GSN: variants seen among roughly 807,000 people sequenced by gnomAD.
GSN encodes the protein gelsolin.
GSN carries 56 observed loss-of-function variants against 85.7 expected under a neutral mutation model. The ratio of observed to expected loss-of-function variants is 0.65; its 90% CI spans 0.53 to 0.82. GSN has a LOEUF of 0.82. Among genes scored for constraint, GSN ranks in the 40% least tolerant of loss-of-function variants. The pLI, the probability that GSN is intolerant of heterozygous loss-of-function variation, is 0.00. For missense variants in GSN, 857 were observed against 979.8 expected (o/e 0.87, Z 1.67); for synonymous variants, 373 against 399.1 (o/e 0.93, Z 0.78).
chr9:121,286,034 G>A, intron 2 of GSN: 1 of 1,287,864 alleles, frequency 7.8e-7, no homozygotes, highest in Non-Finnish European at 1.1e-6. Flanking sequence ...TGCCTGCGGA[G>A]TTGGCTTGGC....
Position 121,282,723 on chromosome 9 carries a change from T to G in GSN, c.-10+1161T>G, listed in dbSNP as rs538289255. The G allele has an allele frequency of 7.3e-5, 30 of 412,318 alleles. No individual in the cohort carries two copies. In the East Asian group the frequency reaches 8.6e-4, roughly 12 times the overall value. 25.5% of individuals were successfully genotyped at this position (412,318 alleles called of 1,614,324 possible). On this transcript the variant is annotated intron_variant, in intron 2 of 17. Transcript: ENST00000432226. ...AATAGGAGGACTTGAGGGCCGGGTC[T>G]TGGCTCTGATGCATCTGCCTTTGAG...
chr9:121,327,581 C>A, intron 14 of GSN, 99 bp downstream of exon 14: 1 of 950,198 alleles, frequency 1.1e-6, no homozygotes, highest in South Asian at 1.7e-5. Context: ...TCCCCTCCAT[C>A]CCACCTGAGG....
intron 4 of GSN, chr9:121,223,073 GT>G (rs1193808532): frequency 1.3e-5 from 2 of 152,174 alleles, no homozygotes; most frequent in East Asian, 3.9e-4. Flanking sequence ...TCCCTTACCA[GT>G]CCGGCGTTCC....
At chr9:121,298,623 G>A (rs1187935797) in intron 2 of GSN, among the ~76,000 whole-genome samples, 1 of 152,224 alleles carries the variant, frequency 6.6e-6, no homozygotes, top group Non-Finnish European at 1.5e-5. Context: ...TACTCATTTA[G>A]TAGATGAGAA....
At chr9:121,324,174 G>C (rs62580465) in intron 11 of GSN, among the ~76,000 whole-genome samples, 14 of 152,238 alleles carry the variant, frequency 9.2e-5, no homozygotes, top group Middle Eastern at 3.4e-3. Flanking sequence ...ATAGGCTCTC[G>C]TAACACTTGC....
In GSN at chr9:121,318,700, G is replaced by A; in HGVS notation, c.1011G>A (p.Leu337=). Residue 337 remains leucine, a synonymous_variant, in exon 10 of 18, where the codon CTG becomes CTA. Transcript: ENST00000432226. The surrounding 1 kb of genome is among the most constrained non-coding windows in gnomAD (Gnocchi z 4.3). ...TTCCTGAGGGCGGTGAGACCCCACT[G>A]TTCAAGCAGTTCTTCAAGAACTGGC... ...SVLPEGGETP[L]FKQFFKNWRD... The A allele has an allele frequency of 6.2e-7, 1 of 1,613,966 alleles. No homozygotes were observed. Among genetic ancestry groups the A allele is most frequent in the Non-Finnish European group, 8.5e-7 (1 of 1,179,806 alleles).
intron 1 of GSN, among the ~76,000 whole-genome samples, chr9:121,208,911 A>G (rs1221927574): frequency 2.0e-5 from 3 of 152,254 alleles, no homozygotes; most frequent in Non-Finnish European, 2.9e-5. Flanking sequence ...CAAGGTGAGG[A>G]CAGGGACCAT....
chr9:121,255,270 G>T (rs951841154), intron 6 of GSN, among the ~76,000 whole-genome samples: 3 of 152,090 alleles, frequency 2.0e-5, no homozygotes, highest in South Asian at 2.1e-4. Context: ...TTGAGACAGG[G>T]TCTCGCTATG....
Position 121,330,340 on chromosome 9 carries a change from A to T in GSN, c.1965+1025A>T, listed in dbSNP as rs563378974. Among the ~76,000 whole-genome samples, 9 of 152,362 alleles carry T rather than the reference A, an allele frequency of 5.9e-5. No homozygotes were observed. The South Asian group carries it at 1.5e-3, about 25-fold the overall frequency. ...GTAAACCCAGCACTTTGAGAGGCTG[A>T]GGTGGGCAGATCACTTGAGGTCAGG... On this transcript the variant is annotated intron_variant, in intron 16 of 17. Transcript: ENST00000432226.
At chr9:121,296,125 T>C (rs922474126) in intron 2 of GSN, among the ~76,000 whole-genome samples, 1 of 152,230 alleles carries the variant, frequency 6.6e-6, no homozygotes, top group African/African-American at 2.4e-5. Context: ...CAGGCTTGAC[T>C]TGGGCTTGAT....
upstream of GSN, among the ~76,000 whole-genome samples, chr9:121,264,847 A>G (rs2055165205): frequency 6.6e-6 from 1 of 152,216 alleles, no homozygotes; most frequent in South Asian, 2.1e-4. Flanking sequence ...AGTTAATTAG[A>G]TAAAGGGTAG....
chr9:121,260,106 C>A (rs114640281), intron 6 of GSN, among the ~76,000 whole-genome samples: 6,008 of 152,332 alleles, frequency 0.039, 424 homozygotes, highest in African/African-American at 0.14. Flanking sequence ...AGCTGGACAG[C>A]TCCCTGAGAC....
At chr9:121,326,450 G>C in intron 12 of GSN, 62 bp from the exon 13 acceptor site, 2 of 1,378,582 alleles carry the variant, frequency 1.5e-6, no homozygotes, top group South Asian at 2.3e-5. Context: ...GGCCCAGTGC[G>C]ACATAGAAGG....
intron 5 of GSN, among the ~76,000 whole-genome samples, chr9:121,231,675 C>T (rs1258982082): frequency 6.6e-6 from 1 of 152,066 alleles, no homozygotes; most frequent in Admixed American, 6.6e-5. Flanking sequence ...CAGAGTCCTA[C>T]AGTATGAGCT....
intron 2 of GSN, among the ~76,000 whole-genome samples, chr9:121,289,933 G>A (rs1229635129): frequency 1.3e-5 from 2 of 152,216 alleles, no homozygotes; most frequent in Non-Finnish European, 2.9e-5. Flanking sequence ...GACAGGCCCA[G>A]TGCAGAGAGA....
At chr9:121,282,335 G>A (rs545658295) in intron 2 of GSN, 4 of 575,716 alleles carry the variant, frequency 6.9e-6, no homozygotes, top group Non-Finnish European at 1.2e-5. Context: ...AGGGGGAATC[G>A]CCCAGCTTCC....
chr9:121,276,805 G>C (rs548000295), intron 1 of GSN, among the ~76,000 whole-genome samples: 1 of 152,270 alleles, frequency 6.6e-6, no homozygotes, highest in African/African-American at 2.4e-5. Context: ...GGTGGGAGGA[G>C]GGGGGAGGGA....
chr9:121,223,743 C>T (rs2054216716), intron 4 of GSN, among the ~76,000 whole-genome samples: 1 of 151,688 alleles, frequency 6.6e-6, no homozygotes, highest in Non-Finnish European at 1.5e-5. Context: ...CGCTGCAAAC[C>T]CTGCCTTCTG....
At chr9:121,312,579 A>C (rs1440688558) in intron 6 of GSN, 91 bp downstream of exon 6, 19 of 798,550 alleles carry the variant, frequency 2.4e-5, no homozygotes, top group Non-Finnish European at 3.1e-5. Flanking sequence ...GAATTTGAGG[A>C]AAAAAAAAAA....
Sources: gnomAD v4.1 joint callset for allele counts (sites outside exome capture counted in the v4.1 genomes callset) on GRCh38, gnomAD v4.1.1 for gene constraint, Gnocchi (gnomAD v3.1) non-coding constraint, MANE v1.5 for transcripts, NCBI Gene and HGNC (gene_info 2026-07-23, HGNC 2026-07-21) for gene names.